The following ADGRL3 variants were observed in gnomAD, a reference collection of about 807,000 sequenced individuals.
ADGRL3 encodes adhesion G protein-coupled receptor L3.
A neutral mutation model predicts 153.5 loss-of-function variants in ADGRL3; 62 were observed. The observed-to-expected ratio is 0.40, with a 90% CI of 0.33 to 0.50. The LOEUF (loss-of-function observed/expected upper bound fraction) is 0.50. Ranked by LOEUF, ADGRL3 falls within the 20% of genes least tolerant of loss-of-function variation. ADGRL3 has a pLI of 0.47. For synonymous variants in ADGRL3, 710 were observed against 672.5 expected, an observed-to-expected ratio of 1.06 and a Z score of -0.86; for missense variants, 1,641 against 1,859.4, an observed-to-expected ratio of 0.88 and a Z score of 2.16.
chr4:61,620,329 T>C (rs530306781), intron 5 of ADGRL3, among the ~76,000 whole-genome samples: 1 of 152,224 alleles, frequency 6.6e-6, no homozygotes, highest in African/African-American at 2.4e-5. Flanking sequence ...GGATGAGTGG[T>C]AACTAATTGA....
intron 18 of ADGRL3, among the ~76,000 whole-genome samples, chr4:61,980,306 A>ATTTTT (rs756680977): frequency 0.048 from 3,583 of 74,358 alleles, 644 homozygotes; most frequent in Middle Eastern, 0.087. Context: ...GTAACCACTA[A>ATTTTT]TTTTTTTTTT....
chr4:61,628,164 A>G (rs2092945095), intron 5 of ADGRL3, among the ~76,000 whole-genome samples: 1 of 152,186 alleles, frequency 6.6e-6, no homozygotes, highest in South Asian at 2.1e-4. Context: ...CCTTAAATAT[A>G]AGTACTAATA....
At chr4:61,229,805 GC>G (rs1749767201) in intron 1 of ADGRL3, among the ~76,000 whole-genome samples, 1 of 152,054 alleles carries the variant, frequency 6.6e-6, no homozygotes, top group Admixed American at 6.6e-5. Context: ...TACTTGGGAG[GC>G]TGAGGCTGGA....
chr4:61,897,379 C>T (rs1367601962), intron 11 of ADGRL3, among the ~76,000 whole-genome samples: 2 of 152,230 alleles, frequency 1.3e-5, no homozygotes, highest in African/African-American at 2.4e-5. Flanking sequence ...TCTGAATCAG[C>T]TTATGTAACT....
At chr4:61,528,286 A>T (rs571108778) in intron 4 of ADGRL3, among the ~76,000 whole-genome samples, 1 of 152,054 alleles carries the variant, frequency 6.6e-6, no homozygotes, top group Admixed American at 6.6e-5. Context: ...TCTCTGTTTT[A>T]TTCTGTTCTA....
rs763166196 is a variant in ADGRL3, at chr4:61,587,257, T to G, written c.290T>G (p.Val97Gly). ...AGCCGTGCCCCAATTCCAATGGCTG[T>G]GGTCCGCAGAGAGCTATCCTGTGAG... ...AFSRAPIPMAVVRRELSCESY... is the reference protein window; with the variant it reads ...AFSRAPIPMAGVRRELSCESY... Residue 97 changes from valine to glycine, a missense_variant, in exon 5 of 27, where the codon GTG becomes GGG. Physicochemically the swap from Val to Gly is moderately radical, Grantham distance 109. Around this residue, in one of 5 missense-constraint regions of ADGRL3, gnomAD observed 145 missense variants for 79.1 expected, o/e 1.83. Coordinates refer to ENST00000683033, the MANE Select transcript of ADGRL3 (RefSeq NM_001387552.1). 6.2e-7 allele frequency: 1 copy of G among 1,608,806 alleles called. No individual in the cohort carries two copies.
rs1560352276 is a variant in ADGRL3, at chr4:61,202,374, C to T, written c.-240+609C>T. The T allele has an allele frequency of 6.5e-6, 1 of 152,740 alleles. No homozygotes were observed. The highest frequency in any genetic ancestry group is 2.4e-5 in the African/African-American group (1 of 41,490). The allele number at this position is 152,740 out of a possible 1,614,324, so 9.5% of individuals were successfully genotyped here. A position where few individuals can be genotyped will look rare whatever the true frequency, so the allele number is the denominator to read the frequency against. On this transcript the variant is annotated intron_variant, in intron 1 of 26. Transcript: ENST00000683033. The surrounding 1 kb of genome is among the most constrained non-coding windows in gnomAD (Gnocchi z 5.0). ...CTTGGAGTCGCGCTGCCTCCCCGCG[C>T]CCTGCCTGTTGTGTCTCCTTCACGG... is the stretch of plus-strand genomic sequence containing the variant.
At chr4:61,616,770 A>G (rs2092049726) in intron 5 of ADGRL3, among the ~76,000 whole-genome samples, 1 of 152,202 alleles carries the variant, frequency 6.6e-6, no homozygotes, top group South Asian at 2.1e-4. Context: ...TGTTATAAAT[A>G]TATAATCTCT....
intron 1 of ADGRL3, among the ~76,000 whole-genome samples, chr4:61,216,481 A>G (rs1265075899): frequency 6.6e-6 from 1 of 152,096 alleles, no homozygotes; most frequent in African/African-American, 2.4e-5. Context: ...GCAGAAGTGT[A>G]TACCTTGAGT....
intron 9 of ADGRL3, among the ~76,000 whole-genome samples, chr4:61,852,312 T>A (rs1004930152): frequency 2.1e-4 from 32 of 151,752 alleles, no homozygotes; most frequent in Admixed American, 1.3e-3. Context: ...TATTTTATTT[T>A]ATTTTATTTT....
chr4:61,993,769 T>C (rs1467223760), intron 19 of ADGRL3, among the ~76,000 whole-genome samples: 1 of 151,980 alleles, frequency 6.6e-6, no homozygotes, highest in East Asian at 1.9e-4. Flanking sequence ...CTCTCTTTTA[T>C]TAAGTTGGTG....
At chr4:61,785,636 CATAGAATTTTCTT>C (rs1200447585) in intron 8 of ADGRL3, among the ~76,000 whole-genome samples, 1 of 152,100 alleles carries the variant, frequency 6.6e-6, no homozygotes, top group Non-Finnish European at 1.5e-5. Context: ...TGAATAAACC[CATAGAATTTTCTT>C]AGTCTCTCTC....
intron 1 of ADGRL3, among the ~76,000 whole-genome samples, chr4:61,370,191 C>T (rs1207913718): frequency 4.6e-5 from 7 of 151,846 alleles, no homozygotes; most frequent in African/African-American, 1.7e-4. Flanking sequence ...CTCCTGGATT[C>T]ATTAATTTTT....
intron 1 of ADGRL3, among the ~76,000 whole-genome samples, chr4:61,376,410 A>T (rs1347046652): frequency 1.3e-5 from 2 of 151,824 alleles, no homozygotes; most frequent in African/African-American, 2.4e-5. Context: ...TTTAATACTG[A>T]TAATTTGAAA....
chr4:61,645,812 C>T (rs1176927434), intron 5 of ADGRL3, among the ~76,000 whole-genome samples: 2 of 152,034 alleles, frequency 1.3e-5, no homozygotes, highest in African/African-American at 2.4e-5. Flanking sequence ...CTCTGTATTT[C>T]CTGAGTCTTA....
intron 9 of ADGRL3, among the ~76,000 whole-genome samples, chr4:61,819,043 A>C: frequency 6.6e-6 from 1 of 152,144 alleles, no homozygotes; most frequent in East Asian, 1.9e-4. Context: ...GGAACTATAA[A>C]ATATTTCCTT....
chr4:61,289,003 T>C (rs901876042), intron 1 of ADGRL3, among the ~76,000 whole-genome samples: 1 of 151,930 alleles, frequency 6.6e-6, no homozygotes, highest in African/African-American at 2.4e-5. Context: ...AAAGTAAAAT[T>C]ATACATATAT....
chr4:61,649,096 C>T (rs2094152190), intron 5 of ADGRL3, among the ~76,000 whole-genome samples: 1 of 151,794 alleles, frequency 6.6e-6, no homozygotes, highest in Non-Finnish European at 1.5e-5. Context: ...AAAATAAGAT[C>T]TTTATCTACT....
intron 9 of ADGRL3, among the ~76,000 whole-genome samples, chr4:61,858,398 G>T (rs2098302801): frequency 6.6e-6 from 1 of 152,122 alleles, no homozygotes; most frequent in African/African-American, 2.4e-5. Flanking sequence ...CGAGGCAGGT[G>T]GATCACCAGG....
Sources: gnomAD v4.1 joint callset for allele counts (sites outside exome capture counted in the v4.1 genomes callset) on GRCh38, gnomAD v4.1.1 for gene constraint, gnomAD v4.1.1 regional missense constraint, Gnocchi (gnomAD v3.1) non-coding constraint, MANE v1.5 for transcripts, NCBI Gene and HGNC (gene_info 2026-07-23, HGNC 2026-07-21) for gene names.